Variants in AJAP1 observed in about 807,000 individuals in gnomAD.
AJAP1 encodes adherens junctions associated protein 1, also known as adherens junction-associated protein 1.
Under a neutral mutation model 35.0 loss-of-function variants are expected in AJAP1, and 5 were observed. That is an observed-to-expected ratio of 0.14 (90% CI 0.07 to 0.30). AJAP1 has a LOEUF of 0.30. Among genes scored for constraint, AJAP1 ranks in the 10% least tolerant of loss-of-function variants. AJAP1 has a pLI of 1.00. For synonymous variants in AJAP1, 284 were observed against 249.3 expected (o/e 1.14, Z -1.31); for missense variants, 586 against 571.0 (o/e 1.03, Z -0.27).
At chr1:4,667,746 C>A (rs1639162600) in intron 1 of AJAP1, among the ~76,000 whole-genome samples, 1 of 152,250 alleles carries the variant, frequency 6.6e-6, no homozygotes, top group East Asian at 1.9e-4. Context: ...GAGAACCGGA[C>A]CCCCAGTCAG....
At chr1:4,736,818 C>T (rs373708811) in intron 2 of AJAP1, among the ~76,000 whole-genome samples, 1 of 152,174 alleles carries the variant, frequency 6.6e-6, no homozygotes, top group African/African-American at 2.4e-5. Flanking sequence ...CGCTGGTAAA[C>T]TTGGAGTGCA....
chr1:4,684,375 A>G (rs893015852), intron 1 of AJAP1, among the ~76,000 whole-genome samples: 3 of 152,138 alleles, frequency 2.0e-5, no homozygotes. Flanking sequence ...GAAGCTGCAC[A>G]TCGGCCTTTA....
chr1:4,779,966 G>A lies in AJAP1; in HGVS notation c.*60-2579G>A, dbSNP rs912006681. 1.1e-3 allele frequency among the ~76,000 whole-genome samples: 166 copies of A among 151,776 alleles called. 2 individuals carry two copies. The highest frequency in any genetic ancestry group is 4.2e-4 in the South Asian group (2 of 4,770). On this transcript the variant is annotated intron_variant, in intron 5 of 5. Transcript: ENST00000378191. ...TTGAGACCAGTCTGACCAACATGGC[G>A]AAACCCCATCTCTACTAAAAATACA...
At chr1:4,779,439 G>A (rs1326175114) in intron 5 of AJAP1, among the ~76,000 whole-genome samples, 1 of 151,910 alleles carries the variant, frequency 6.6e-6, no homozygotes, top group Non-Finnish European at 1.5e-5. Flanking sequence ...CCTTCACACG[G>A]GAGACTTTCA....
chr1:4,729,506 G>A (rs1640750339), intron 2 of AJAP1, among the ~76,000 whole-genome samples: 1 of 137,360 alleles, frequency 7.3e-6, no homozygotes, highest in Non-Finnish European at 1.6e-5. Flanking sequence ...GCTCGTTGAA[G>A]TATGGGGTCT....
intron 2 of AJAP1, among the ~76,000 whole-genome samples, chr1:4,769,365 TC>T (rs898387933): frequency 6.6e-6 from 1 of 151,978 alleles, no homozygotes; most frequent in Non-Finnish European, 1.5e-5. Flanking sequence ...CCATCCTGGC[TC>T]CCCCTGGGTC....
chr1:4,655,747 A>G lies in AJAP1; in HGVS notation c.29+293A>G, dbSNP rs1036918512. Among the ~76,000 whole-genome samples the G allele has an allele frequency of 2.0e-5, 3 of 149,140 alleles. No homozygotes were observed. The highest frequency in any genetic ancestry group is 2.0e-4 in the Admixed American group (3 of 15,048). ...GGCCAGGCGCGCCCGCAGCTCTAGG[A>G]GCCAGCAGCGCAGTGTCCTGGCCGG... On this transcript the variant is annotated intron_variant, in intron 1 of 5. Coordinates refer to ENST00000378191, the MANE Select transcript of AJAP1 (RefSeq NM_018836.4). The surrounding 1 kb of genome is among the most constrained non-coding windows in gnomAD (Gnocchi z 6.9).
intron 1 of AJAP1, among the ~76,000 whole-genome samples, chr1:4,701,794 A>G (rs1401539576): frequency 1.3e-5 from 2 of 152,180 alleles, no homozygotes; most frequent in African/African-American, 2.4e-5. Flanking sequence ...AGGAGGGGCC[A>G]CGTGGTTCAC....
Position 4,656,580 on chromosome 1 carries a change from G to A in AJAP1, c.29+1126G>A, listed in dbSNP as rs970717640. On this transcript the variant is annotated intron_variant, in intron 1 of 5. Coordinates refer to ENST00000378191, the MANE Select transcript of AJAP1 (RefSeq NM_018836.4). The surrounding 1 kb of genome is among the most constrained non-coding windows in gnomAD (Gnocchi z 5.7). ...GGGGGGAGTGAGGCGAAGGGAGGGAGGATCTAGTGCGTGTCCTGATTTTGA... is the reference window on the plus strand; with the variant it reads ...GGGGGGAGTGAGGCGAAGGGAGGGAAGATCTAGTGCGTGTCCTGATTTTGA... Among the ~76,000 whole-genome samples, 2 of 152,200 alleles carry A rather than the reference G, an allele frequency of 1.3e-5. No individual in the cohort carries two copies. Among genetic ancestry groups the A allele is most frequent in the Non-Finnish European group, 2.9e-5 (2 of 68,042 alleles).
intron 1 of AJAP1, among the ~76,000 whole-genome samples, chr1:4,708,761 T>C (rs1640157209): frequency 6.6e-6 from 1 of 152,206 alleles, no homozygotes; most frequent in East Asian, 1.9e-4. Context: ...CCCTTGGCCT[T>C]GCACAGAAAT....
intron 2 of AJAP1, among the ~76,000 whole-genome samples, chr1:4,735,328 T>C (rs917844910): frequency 1.3e-5 from 2 of 152,170 alleles, no homozygotes; most frequent in South Asian, 2.1e-4. Flanking sequence ...AATTCCAGCC[T>C]GGAGCGTGTG....
intron 1 of AJAP1, among the ~76,000 whole-genome samples, chr1:4,661,386 T>G (rs1638995982): frequency 2.6e-5 from 4 of 152,238 alleles, no homozygotes; most frequent in Admixed American, 2.6e-4. Flanking sequence ...TCCACCCTCA[T>G]GTTCCTCAGG....
At chr1:4,659,360 G>A (rs1638951939) in intron 1 of AJAP1, among the ~76,000 whole-genome samples, 1 of 152,148 alleles carries the variant, frequency 6.6e-6, no homozygotes, top group East Asian at 1.9e-4. Context: ...TCAGACACAA[G>A]GAGGAGACAG....
chr1:4,730,385 G>C (rs1191873587), intron 2 of AJAP1, among the ~76,000 whole-genome samples: 1 of 152,220 alleles, frequency 6.6e-6, no homozygotes. Context: ...TCCAGAGCCA[G>C]GCTGAATCCG....
intron 2 of AJAP1, among the ~76,000 whole-genome samples, chr1:4,753,797 C>T (rs1641370229): frequency 2.6e-5 from 4 of 152,210 alleles, no homozygotes; most frequent in Admixed American, 2.6e-4. Flanking sequence ...GTCTCGAACT[C>T]CTGACCTCAG....
chr1:4,668,168 C>G (rs946114151), intron 1 of AJAP1, among the ~76,000 whole-genome samples: 2 of 151,700 alleles, frequency 1.3e-5, no homozygotes, highest in African/African-American at 4.8e-5. Context: ...GAGCTGAGAT[C>G]GCACCACTGC....
chr1:4,679,843 GTGTGTGTGT>G lies in AJAP1; in HGVS notation c.29+24390_29+24398del, dbSNP rs1164808668. Among the ~76,000 whole-genome samples the G allele has an allele frequency of 3.1e-5, 4 of 130,354 alleles. No homozygotes were observed. The Admixed American group carries it at 3.2e-4, about 10-fold the overall frequency. 85.5% of individuals were successfully genotyped at this position (130,354 alleles called of 152,430 possible). On this transcript the variant is annotated intron_variant, in intron 1 of 5. Transcript: ENST00000378191. ...TGTGTGTGTGTGTGTGTGTGTGTGT[GTGTGTGTGT>G]AGAGAGAGATACTTACAAGGAGTTG...
intron 1 of AJAP1, among the ~76,000 whole-genome samples, chr1:4,689,052 C>A (rs952444936): frequency 6.6e-6 from 1 of 152,054 alleles, no homozygotes; most frequent in Admixed American, 6.5e-5. Flanking sequence ...CGCCTGCCCC[C>A]CTCACTCGCC....
At chr1:4,741,162 GAGA>G (rs1329784999) in intron 2 of AJAP1, among the ~76,000 whole-genome samples, 1 of 152,114 alleles carries the variant, frequency 6.6e-6, no homozygotes, top group Non-Finnish European at 1.5e-5. Flanking sequence ...TTCTCTCTGG[GAGA>G]AGGAGTGAGA....
Sources: gnomAD v4.1 joint callset for allele counts (sites outside exome capture counted in the v4.1 genomes callset) on GRCh38, gnomAD v4.1.1 for gene constraint, Gnocchi (gnomAD v3.1) non-coding constraint, MANE v1.5 for transcripts, NCBI Gene and HGNC (gene_info 2026-07-23, HGNC 2026-07-21) for gene names.